The following NRXN3 variants were observed in gnomAD, a reference collection of about 807,000 sequenced individuals.
The protein encoded by NRXN3 is neurexin III.
A neutral mutation model predicts 137.6 loss-of-function variants in NRXN3; 32 were observed. The ratio of observed to expected loss-of-function variants is 0.23; its 90% confidence interval spans 0.18 to 0.31. The LOEUF (loss-of-function observed/expected upper bound fraction) is 0.31, where lower values mean the gene tolerates loss of function less well. Ranked by LOEUF, NRXN3 falls within the 10% of genes least tolerant of loss-of-function variation. NRXN3 has a pLI of 1.00. For missense variants in NRXN3, 1,574 were observed against 2,062.5 expected, an observed-to-expected ratio of 0.76 and a Z score of 4.59; for synonymous variants, 798 against 784.5, an observed-to-expected ratio of 1.02 and a Z score of -0.29.
chr14:79,851,164 ATTCTTT>A (rs1198145489), intron 20 of NRXN3, among the ~76,000 whole-genome samples: 3 of 152,152 alleles, frequency 2.0e-5, no homozygotes, highest in African/African-American at 7.2e-5. Context: ...GAAGTATCTT[ATTCTTT>A]AAGTCTCACA....
chr14:79,663,693 T>G, intron 16 of NRXN3, 85 bp from the exon 17 acceptor site: 5 of 1,188,966 alleles, frequency 4.2e-6, no homozygotes, highest in Non-Finnish European at 4.8e-6. Flanking sequence ...CACCTACAGG[T>G]TTATTGCTGG....
chr14:78,402,070 G>T (rs1340429757), intron 4 of NRXN3, among the ~76,000 whole-genome samples: 1 of 152,178 alleles, frequency 6.6e-6, no homozygotes, highest in Non-Finnish European at 1.5e-5. Flanking sequence ...GAATGGTGCG[G>T]TTTATTACAC....
At chr14:79,419,912 C>T (rs1409698952) in intron 15 of NRXN3, among the ~76,000 whole-genome samples, 4 of 152,022 alleles carry the variant, frequency 2.6e-5, no homozygotes, top group African/African-American at 7.3e-5. Flanking sequence ...CAGAAGCTCT[C>T]GGTGATCTGC....
At chr14:78,251,711 TAGGATATCCAC>T (rs1291284545) in intron 2 of NRXN3, among the ~76,000 whole-genome samples, 1 of 152,210 alleles carries the variant, frequency 6.6e-6, no homozygotes, top group African/African-American at 2.4e-5. Flanking sequence ...AGGAGATGTC[TAGGATATCCAC>T]TGGGAAAAGG....
At chr14:79,258,632 A>G (rs1001269684) in intron 15 of NRXN3, among the ~76,000 whole-genome samples, 1 of 152,232 alleles carries the variant, frequency 6.6e-6, no homozygotes, top group Non-Finnish European at 1.5e-5. Flanking sequence ...ATGTAGTTTT[A>G]TAATTTCTCT....
chr14:78,508,470 A>T (rs1447317098), intron 4 of NRXN3, among the ~76,000 whole-genome samples: 2 of 152,064 alleles, frequency 1.3e-5, no homozygotes, highest in Middle Eastern at 3.4e-3. Flanking sequence ...TTCCCATCTC[A>T]CTTTTTGAAG....
At chr14:78,792,415 G>GA (rs954506766) in intron 8 of NRXN3, among the ~76,000 whole-genome samples, 2 of 151,896 alleles carry the variant, frequency 1.3e-5, no homozygotes, top group African/African-American at 4.8e-5. Context: ...TAATGCTGAT[G>GA]AAAAAAACCA....
intron 15 of NRXN3, among the ~76,000 whole-genome samples, chr14:79,380,794 TG>T (rs1279055122): frequency 6.6e-6 from 1 of 152,172 alleles, no homozygotes; most frequent in Non-Finnish European, 1.5e-5. Flanking sequence ...ACACTGTTGG[TG>T]GGACTGTAAA....
In NRXN3 at chr14:79,840,834, T is replaced by C. The variant is rs868227909; in HGVS notation, c.4094-20508T>C. 7.2e-5 allele frequency among the ~76,000 whole-genome samples: 11 copies of C among 152,306 alleles called. No individual in the cohort carries two copies. The Middle Eastern group carries it at 0.031, about 424-fold the overall frequency. The stretch of plus-strand genomic sequence containing the variant: ...AGTGTTTTAATTATGTAATTATAAT[T>C]TTTGTTTCCTTTCTCTGTCCTCATA... On this transcript the variant is annotated intron_variant, in intron 20 of 20. Coordinates refer to ENST00000335750, the MANE Select transcript of NRXN3 (RefSeq NM_001330195.2).
At chr14:78,722,688 A>G (rs1444788376) in intron 8 of NRXN3, among the ~76,000 whole-genome samples, 1 of 152,136 alleles carries the variant, frequency 6.6e-6, no homozygotes. Flanking sequence ...CTCACTTTCT[A>G]CGTGAAGAAA....
At chr14:79,416,207 A>G (rs1379685791) in intron 15 of NRXN3, among the ~76,000 whole-genome samples, 3 of 151,938 alleles carry the variant, frequency 2.0e-5, no homozygotes, top group Non-Finnish European at 2.9e-5. Context: ...TTTCTTTTAA[A>G]CCTCCTGGCA....
At chr14:79,156,631 T>C (rs763566853) in intron 15 of NRXN3, among the ~76,000 whole-genome samples, 1 of 151,888 alleles carries the variant, frequency 6.6e-6, no homozygotes, top group Non-Finnish European at 1.5e-5. Context: ...CAGAATCCTA[T>C]TTTATTAAGA....
chr14:79,305,504 A>G (rs1207619981), intron 15 of NRXN3, among the ~76,000 whole-genome samples: 5 of 152,088 alleles, frequency 3.3e-5, no homozygotes, highest in African/African-American at 4.8e-5. Context: ...GGAAGGAATC[A>G]TAGAGGTCAT....
chr14:79,161,276 A>G (rs2060741925), intron 15 of NRXN3, among the ~76,000 whole-genome samples: 1 of 151,910 alleles, frequency 6.6e-6, no homozygotes, highest in South Asian at 2.1e-4. Flanking sequence ...GTCTAATGTA[A>G]TAGATTTTGA....
chr14:78,388,698 G>A (rs955250114), intron 4 of NRXN3, among the ~76,000 whole-genome samples: 1 of 152,100 alleles, frequency 6.6e-6, no homozygotes, highest in African/African-American at 2.4e-5. Flanking sequence ...TATAGAGTTA[G>A]CTGACCCTGA....
chr14:79,406,371 C>G (rs530000785), intron 15 of NRXN3, among the ~76,000 whole-genome samples: 3 of 151,534 alleles, frequency 2.0e-5, no homozygotes, highest in African/African-American at 4.8e-5. Context: ...GTGATTCAAT[C>G]CTGGCTCACT....
intron 16 of NRXN3, among the ~76,000 whole-genome samples, chr14:79,530,256 C>T (rs779904642): frequency 4.5e-4 from 68 of 151,926 alleles, no homozygotes; most frequent in African/African-American, 1.5e-3. Context: ...CAAGCAGCAG[C>T]GTGCACATAG....
At chr14:78,606,562 G>A (rs2152455071) in intron 4 of NRXN3, among the ~76,000 whole-genome samples, 1 of 152,298 alleles carries the variant, frequency 6.6e-6, no homozygotes, top group South Asian at 2.1e-4. Context: ...TCTCCCGCTA[G>A]GCTGTGAACT....
chr14:78,611,508 T>C (rs1183505667), intron 4 of NRXN3, among the ~76,000 whole-genome samples: 1 of 152,150 alleles, frequency 6.6e-6, no homozygotes, highest in African/African-American at 2.4e-5. Flanking sequence ...GCATGATGAC[T>C]TACAAGTTCC....
Sources: allele counts gnomAD v4.1 joint callset (sites outside exome capture counted in the v4.1 genomes callset), GRCh38; gene constraint gnomAD v4.1.1; transcripts MANE v1.5; gene names NCBI Gene and HGNC (gene_info 2026-07-23, HGNC 2026-07-21).